Variants in FBXL17 observed in about 807,000 individuals in gnomAD.
The protein encoded by FBXL17 is F-box and leucine rich repeat protein 17, also known as F-box/LRR-repeat protein 17.
FBXL17 carries 22 observed loss-of-function variants against 66.2 expected under a neutral mutation model. That is an observed-to-expected ratio of 0.33 (90% confidence interval 0.24 to 0.47). FBXL17 has a LOEUF of 0.47. FBXL17 is among the 20% of genes least tolerant of loss of function. FBXL17 has a pLI of 1.00. For synonymous variants in FBXL17, 474 were observed against 400.5 expected, an observed-to-expected ratio of 1.18 and a Z score of -2.19; for missense variants, 878 against 948.2, an observed-to-expected ratio of 0.93 and a Z score of 0.97.
At chr5:108,289,912 T>C (rs1758044071) in intron 4 of FBXL17, among the ~76,000 whole-genome samples, 1 of 152,036 alleles carries the variant, frequency 6.6e-6, no homozygotes, top group South Asian at 2.1e-4. Context: ...AAATGAAAAA[T>C]TCAGGGGAAA....
chr5:108,154,316 A>G (rs1402719807), intron 6 of FBXL17, among the ~76,000 whole-genome samples: 2 of 145,526 alleles, frequency 1.4e-5, no homozygotes, highest in Non-Finnish European at 3.0e-5. Flanking sequence ...AAGATATGCC[A>G]GGCATGGTGG....
intron 6 of FBXL17, among the ~76,000 whole-genome samples, chr5:108,025,699 A>G (rs946869717): frequency 7.8e-6 from 1 of 127,706 alleles, no homozygotes; most frequent in African/African-American, 4.0e-5. Context: ...ACACACACAC[A>G]CACAAACACA....
chr5:108,225,941 G>C (rs1462638511), intron 4 of FBXL17, among the ~76,000 whole-genome samples: 1 of 151,994 alleles, frequency 6.6e-6, no homozygotes, highest in Non-Finnish European at 1.5e-5. Context: ...CTTACTTTTG[G>C]CTCTTGGTCA....
At chr5:108,294,603 G>T (rs1490504568) in intron 4 of FBXL17, among the ~76,000 whole-genome samples, 2 of 151,862 alleles carry the variant, frequency 1.3e-5, no homozygotes, top group Non-Finnish European at 2.9e-5. Context: ...TCAAACTGAA[G>T]AAATCAAATT....
chr5:108,182,716 C>A (rs778336902), intron 6 of FBXL17, among the ~76,000 whole-genome samples: 1 of 152,064 alleles, frequency 6.6e-6, no homozygotes, highest in Non-Finnish European at 1.5e-5. Context: ...ACTGAAATAG[C>A]ACAAGGTTTG....
In FBXL17 at chr5:108,381,211, G is replaced by A. The variant is rs1302880920; in HGVS notation, c.481C>T (p.Leu161=). Residue 161 remains leucine, a synonymous_variant, in exon 1 of 9, where the codon CTG becomes TTG. Coordinates refer to ENST00000542267, the MANE Select transcript of FBXL17 (RefSeq NM_001163315.3). ...AAGCGCACCGGCCCCAAGCTGGCCA[G>A]GAAGAGACTTCGGCCCTGCTGCTCC... ...AWEQQGRSLF[L]ASLGPVRFLG... is the part of the protein sequence containing the mutation. The A allele has an allele frequency of 2.1e-6, 3 of 1,447,128 alleles. No individual in the cohort carries two copies. The highest frequency in any genetic ancestry group is 1.5e-5 in the African/African-American group (1 of 68,008). The allele number at this position is 1,447,128 out of a possible 1,614,324, so 89.6% of individuals were successfully genotyped here.
At chr5:108,196,903 G>A (rs286760) in intron 5 of FBXL17, among the ~76,000 whole-genome samples, 2,741 of 152,198 alleles carry the variant, frequency 0.018, 85 homozygotes, top group African/African-American at 0.062. Flanking sequence ...AAGAGCCTCT[G>A]TAAGTTATCA....
At chr5:108,244,409 G>C (rs573956364) in intron 4 of FBXL17, among the ~76,000 whole-genome samples, 1 of 152,072 alleles carries the variant, frequency 6.6e-6, no homozygotes, top group African/African-American at 2.4e-5. Context: ...TACTAGCTAC[G>C]TGACCTTAAG....
At chr5:107,938,211 C>T (rs1249293020) in intron 7 of FBXL17, among the ~76,000 whole-genome samples, 3 of 151,166 alleles carry the variant, frequency 2.0e-5, no homozygotes, top group African/African-American at 4.9e-5. Flanking sequence ...TAATGTAAGC[C>T]GGATGAGTGT....
chr5:108,076,834 C>T (rs1682804064), intron 6 of FBXL17, among the ~76,000 whole-genome samples: 1 of 152,136 alleles, frequency 6.6e-6, no homozygotes, highest in African/African-American at 2.4e-5. Context: ...ATAATGAAGG[C>T]ATTTTTGCTA....
chr5:107,900,866 T>G (rs1749552034), intron 7 of FBXL17, among the ~76,000 whole-genome samples: 1 of 152,178 alleles, frequency 6.6e-6, no homozygotes, highest in Non-Finnish European at 1.5e-5. Context: ...GCAATGTACT[T>G]AATTTCTTGA....
intron 6 of FBXL17, among the ~76,000 whole-genome samples, chr5:108,100,642 T>C (rs1447644423): frequency 6.6e-6 from 1 of 152,238 alleles, no homozygotes; most frequent in East Asian, 1.9e-4. Context: ...AGACTCTTCT[T>C]GATAATTTAC....
intron 4 of FBXL17, among the ~76,000 whole-genome samples, chr5:108,260,028 A>C (rs1580705171): frequency 1.3e-5 from 2 of 149,310 alleles, no homozygotes; most frequent in Admixed American, 6.9e-5. Context: ...ACTTAAAAAA[A>C]AAAAACAAAA....
Position 108,381,537 on chromosome 5 carries a change from T to G in FBXL17, c.155A>C (p.Asp52Ala). 1.4e-6 allele frequency: 2 copies of G among 1,422,470 alleles called. No individual in the cohort carries two copies. The highest frequency in any genetic ancestry group is 1.8e-6 in the Non-Finnish European group (2 of 1,097,326). The allele number at this position is 1,422,470 out of a possible 1,614,324, so 88.1% of individuals were successfully genotyped here. ...PPQPAAPRSR[D>A]CFFRGPCMLC... ...CATGCAGGGCCCGCGGAAGAAGCAG[T>G]CCCGGCTCCGGGGCGCCGCCGGCTG... Residue 52 changes from aspartate (D) to alanine (A), a missense_variant, in exon 1 of 9, where the codon GAC (aspartate) becomes GCC (alanine). Physicochemically the swap from Asp to Ala is moderately radical, Grantham distance 126. Around this residue, in one of 4 missense-constraint regions of FBXL17, gnomAD observed 605 missense variants for 509.5 expected, o/e 1.19. Transcript: ENST00000542267.
chr5:108,194,250 C>G (rs533133150), intron 5 of FBXL17, among the ~76,000 whole-genome samples: 1 of 152,234 alleles, frequency 6.6e-6, no homozygotes, highest in East Asian at 1.9e-4. Flanking sequence ...TTTAAAACTG[C>G]TCTCACTTCA....
intron 7 of FBXL17, among the ~76,000 whole-genome samples, chr5:107,932,594 T>C (rs949881098): frequency 6.6e-6 from 1 of 152,194 alleles, no homozygotes; most frequent in Non-Finnish European, 1.5e-5. Context: ...AAAGCACAAT[T>C]GTATGTAAAA....
At chr5:107,929,337 C>T (rs1246994833) in intron 7 of FBXL17, among the ~76,000 whole-genome samples, 1 of 152,114 alleles carries the variant, frequency 6.6e-6, no homozygotes, top group Non-Finnish European at 1.5e-5. Context: ...GGTCTCATTA[C>T]TTAAAAGAGC....
At position 108,224,154 on chromosome 5, in the gene FBXL17, T is replaced by C. The variant is rs1399208822; in HGVS notation, c.1581A>G (p.Ser527=). 2 of 1,611,184 alleles carry C rather than the reference T, an allele frequency of 1.2e-6. No individual in the cohort carries two copies. The highest frequency in any genetic ancestry group is 1.7e-6 in the Non-Finnish European group (2 of 1,178,072). ...GGTGAATGACTCCTTTAGAAGTGAC[T>C]GAACAACCCATGAAGCCTACATATT... ...ELQYVGFMGC[S]VTSKGVIHLT... Residue 527 remains serine (S), a synonymous_variant, in exon 5 of 9, where the codon TCA becomes TCG. Coordinates refer to ENST00000542267, the MANE Select transcript of FBXL17 (RefSeq NM_001163315.3).
At chr5:108,262,478 A>G (rs541139299) in intron 4 of FBXL17, among the ~76,000 whole-genome samples, 1 of 152,328 alleles carries the variant, frequency 6.6e-6, no homozygotes, top group South Asian at 2.1e-4. Context: ...AAAAATTATG[A>G]AATAATTTGG....
Sources: allele counts gnomAD v4.1 joint callset (sites outside exome capture counted in the v4.1 genomes callset), GRCh38; gene constraint gnomAD v4.1.1; regional missense constraint gnomAD v4.1.1; transcripts MANE v1.5; gene names NCBI Gene and HGNC (gene_info 2026-07-23, HGNC 2026-07-21).